Variants in LUZP2 observed in about 807,000 individuals in gnomAD.
LUZP2 encodes the protein leucine zipper protein 2.
In LUZP2, 52 loss-of-function variants were observed where a neutral mutation model predicts 51.6. The ratio of observed to expected loss-of-function variants is 1.01; its 90% confidence interval spans 0.81 to 1.27. The LOEUF (loss-of-function observed/expected upper bound fraction) is 1.27. LUZP2 is among the 50% of genes most tolerant of loss of function. LUZP2 has a pLI of 0.00. For missense variants in LUZP2, 436 were observed against 395.4 expected, an observed-to-expected ratio of 1.10 and a Z score of -0.87; for synonymous variants, 154 against 137.3, an observed-to-expected ratio of 1.12 and a Z score of -0.85.
At chr11:24,772,275 G>A (rs946862773) in intron 5 of LUZP2, among the ~76,000 whole-genome samples, 2 of 152,180 alleles carry the variant, frequency 1.3e-5, no homozygotes, top group African/African-American at 4.8e-5. Context: ...TCTTGTGGCT[G>A]TAAATCTTTC....
At chr11:24,747,358 C>T (rs989982596) in intron 4 of LUZP2, among the ~76,000 whole-genome samples, 1 of 152,056 alleles carries the variant, frequency 6.6e-6, no homozygotes, top group African/African-American at 2.4e-5. Context: ...AGCTCTGGGC[C>T]AGTACTGGGG....
intron 5 of LUZP2, 43 bp from the exon 6 acceptor site, chr11:24,905,948 A>T (rs768170206): frequency 7.2e-7 from 1 of 1,384,450 alleles, no homozygotes; most frequent in South Asian, 1.2e-5. Context: ...AATTCTTAAT[A>T]TTTTGTCTCT....
intron 10 of LUZP2, among the ~76,000 whole-genome samples, chr11:25,070,044 A>G (rs1437844418): frequency 1.3e-5 from 2 of 151,940 alleles, no homozygotes; most frequent in African/African-American, 2.4e-5. Context: ...GCAAACATCC[A>G]AATGGGAGTC....
chr11:24,566,271 G>T (rs7924337), intron 1 of LUZP2, among the ~76,000 whole-genome samples: 2,081 of 150,352 alleles, frequency 0.014, 38 homozygotes, highest in South Asian at 0.058. Context: ...CTAATGACTA[G>T]CGATAAAGAT....
At chr11:24,510,837 T>C (rs930175582) in intron 1 of LUZP2, among the ~76,000 whole-genome samples, 7 of 152,094 alleles carry the variant, frequency 4.6e-5, no homozygotes, top group Non-Finnish European at 1.0e-4. Flanking sequence ...GGCCATTGAC[T>C]CTGTGCTGCT....
intron 5 of LUZP2, among the ~76,000 whole-genome samples, chr11:24,880,349 A>G (rs1024170968): frequency 8.7e-5 from 10 of 114,884 alleles, no homozygotes; most frequent in African/African-American, 2.9e-4. Context: ...TTGGTAATTC[A>G]ACACTGTTTT....
intron 1 of LUZP2, among the ~76,000 whole-genome samples, chr11:24,541,806 A>G (rs1213525306): frequency 6.6e-6 from 1 of 152,116 alleles, no homozygotes; most frequent in Non-Finnish European, 1.5e-5. Context: ...CTAAGCTTTC[A>G]GAAAGACAAA....
In LUZP2 at chr11:24,720,144, A is replaced by T. The variant is rs533518553; in HGVS notation, c.63-9025A>T. Reference sequence around the variant, plus strand: ...TATTAAAACATTGACTAACTAAATGATTTCCCACAAAGGATTTGCAGGCCA... The same window carrying T: ...TATTAAAACATTGACTAACTAAATGTTTTCCCACAAAGGATTTGCAGGCCA... On this transcript the variant is annotated intron_variant, in intron 1 of 11. Transcript: ENST00000336930. Among the ~76,000 whole-genome samples the T allele has an allele frequency of 3.9e-5, 6 of 152,324 alleles. No individual in the cohort carries two copies. The East Asian group carries it at 1.2e-3, about 29-fold the overall frequency.
At chr11:24,886,265 T>C (rs1350999177) in intron 5 of LUZP2, among the ~76,000 whole-genome samples, 6 of 152,218 alleles carry the variant, frequency 3.9e-5, no homozygotes, top group Non-Finnish European at 8.8e-5. Flanking sequence ...TTTTCTAATT[T>C]TAAAGATAAT....
chr11:24,538,539 T>C (rs1323891114), intron 1 of LUZP2, among the ~76,000 whole-genome samples: 1 of 151,752 alleles, frequency 6.6e-6, no homozygotes, highest in Admixed American at 6.6e-5. Context: ...TTGGTATGTA[T>C]ATTTTATTTT....
intron 5 of LUZP2, among the ~76,000 whole-genome samples, chr11:24,898,556 G>A (rs890629650): frequency 6.6e-6 from 1 of 151,880 alleles, no homozygotes; most frequent in Admixed American, 6.6e-5. Context: ...TTGGGAAGCA[G>A]AGCTTACAGT....
intron 1 of LUZP2, among the ~76,000 whole-genome samples, chr11:24,671,955 T>G (rs1856414263): frequency 6.6e-6 from 1 of 152,130 alleles, no homozygotes; most frequent in South Asian, 2.1e-4. Context: ...AAAAAACCAC[T>G]CAATTTGCCA....
At chr11:24,694,915 T>C (rs953225375) in intron 1 of LUZP2, among the ~76,000 whole-genome samples, 10 of 146,646 alleles carry the variant, frequency 6.8e-5, no homozygotes, top group African/African-American at 2.0e-4. Flanking sequence ...CATTGGGGCC[T>C]ATCAGGGGGG....
intron 5 of LUZP2, among the ~76,000 whole-genome samples, chr11:24,770,510 T>A (rs1179327203): frequency 2.0e-5 from 3 of 152,210 alleles, no homozygotes; most frequent in Admixed American, 2.0e-4. Flanking sequence ...ACTACAATTC[T>A]GGCTTATTAA....
At chr11:24,701,406 A>G (rs1857417809) in intron 1 of LUZP2, 1 of 167,556 alleles carries the variant, frequency 6.0e-6, no homozygotes, top group South Asian at 2.1e-4. Context: ...AGGAAAGGAT[A>G]AATCTTCAGA....
intron 1 of LUZP2, among the ~76,000 whole-genome samples, chr11:24,638,795 A>T (rs1250066130): frequency 6.6e-6 from 1 of 151,770 alleles, no homozygotes; most frequent in African/African-American, 2.4e-5. Context: ...TAATCAACAA[A>T]ACAAATCTCA....
chr11:24,674,472 A>G (rs980661041), intron 1 of LUZP2, among the ~76,000 whole-genome samples: 1 of 152,208 alleles, frequency 6.6e-6, no homozygotes, highest in Non-Finnish European at 1.5e-5. Flanking sequence ...ACAACAACCA[A>G]TGACACAAAA....
chr11:24,589,592 T>C (rs1853190171), intron 1 of LUZP2, among the ~76,000 whole-genome samples: 1 of 152,206 alleles, frequency 6.6e-6, no homozygotes, highest in Admixed American at 6.5e-5. Flanking sequence ...CTCGAAGGAA[T>C]TGAAAAGATT....
chr11:24,670,934 T>A (rs923009201), intron 1 of LUZP2, among the ~76,000 whole-genome samples: 3 of 151,926 alleles, frequency 2.0e-5, no homozygotes, highest in Admixed American at 2.0e-4. Context: ...TGTGAATGAA[T>A]ATAGTTTCAT....
Sources: allele counts gnomAD v4.1 joint callset (sites outside exome capture counted in the v4.1 genomes callset), GRCh38; gene constraint gnomAD v4.1.1; transcripts MANE v1.5; gene names NCBI Gene and HGNC (gene_info 2026-07-23, HGNC 2026-07-21).